Variants in ENOX2 observed in about 807,000 individuals in gnomAD.
ENOX2 encodes APK1 antigen.
A neutral mutation model predicts 45.0 loss-of-function variants in ENOX2; 36 were observed. That is an observed-to-expected ratio of 0.80 (90% CI 0.61 to 1.06). ENOX2 has a LOEUF of 1.06. ENOX2 is among the 50% of genes least tolerant of loss of function. The probability of loss-of-function intolerance (pLI) is 0.00; values close to 1 mark genes in which losing one functional copy is unlikely to be tolerated. For synonymous variants in ENOX2, 174 were observed against 152.3 expected (o/e 1.14, Z -1.05); for missense variants, 423 against 462.5 (o/e 0.91, Z 0.78).
intron 2 of ENOX2, among the ~76,000 whole-genome samples, chrX:130,892,725 A>T (rs2079002960): frequency 1.8e-5 from 2 of 113,104 alleles, no homozygotes; most frequent in Admixed American, 1.9e-4. Flanking sequence ...AGATACACAG[A>T]CTAGAGTTTT....
intron 2 of ENOX2, among the ~76,000 whole-genome samples, chrX:130,865,954 A>G (rs941875955): frequency 3.6e-5 from 4 of 111,094 alleles, no homozygotes; most frequent in African/African-American, 1.3e-4. Context: ...TCACCTTTCT[A>G]TATGTGGCCT....
chrX:130,798,243 T>C (rs1603352576), intron 2 of ENOX2, among the ~76,000 whole-genome samples: 1 of 111,747 alleles, frequency 8.9e-6, no homozygotes, highest in South Asian at 3.8e-4. Context: ...TAGCAAGACG[T>C]CCATCTCTAC....
intron 12 of ENOX2, among the ~76,000 whole-genome samples, chrX:130,632,369 G>T (rs376513542): frequency 2.1e-5 from 1 of 47,252 alleles, no homozygotes; most frequent in African/African-American, 7.9e-5. Context: ...AGGGGCGGGG[G>T]GGGGGGGTGG....
chrX:130,752,609 C>T lies in ENOX2; in HGVS notation c.-39+30938G>A, dbSNP rs952182322. On this transcript the variant is annotated intron_variant, in intron 3 of 14. Transcript: ENST00000394363. ...TCTGTGTCTACCTATCTCTCTGCAA[C>T]AGTTTCTTTTTGCCTCTTTCTGTTT... Among the ~76,000 whole-genome samples the T allele has an allele frequency of 3.6e-5, 4 of 111,046 alleles. No homozygotes were observed. The Admixed American group carries it at 3.8e-4, about 11-fold the overall frequency.
intron 2 of ENOX2, among the ~76,000 whole-genome samples, chrX:130,841,955 G>A (rs2078022940): frequency 8.9e-6 from 1 of 112,193 alleles, no homozygotes; most frequent in Non-Finnish European, 1.9e-5. Context: ...TTTATGCATA[G>A]CCCCTGGAGA....
At chrX:130,743,638 A>ATT (rs368102335) in intron 3 of ENOX2, among the ~76,000 whole-genome samples, 1 of 103,825 alleles carries the variant, frequency 9.6e-6, no homozygotes, top group South Asian at 4.3e-4. Context: ...CACCTGGCTA[A>ATT]TTTTTTTTTT....
Position 130,627,947 on chromosome X carries a change from C to T in ENOX2, c.1614+11G>A, listed in dbSNP as rs201139613. 32 of 1,165,259 alleles carry T rather than the reference C, an allele frequency of 2.7e-5. No homozygotes were observed. The highest frequency in any genetic ancestry group is 1.8e-5 in the South Asian group (1 of 54,823). On this transcript the variant is annotated intron_variant, in intron 14 of 14. Coordinates refer to ENST00000394363, the MANE Select transcript of ENOX2 (RefSeq NM_006375.4). ...CATCCCCTTGCATCCCCATTTTAGG[C>T]CCCCATATACCTTATTATCAAGACG...
At chrX:130,821,742 T>TTAA (rs2077610827) in intron 2 of ENOX2, among the ~76,000 whole-genome samples, 2 of 23,187 alleles carry the variant, frequency 8.6e-5, no homozygotes, top group Non-Finnish European at 1.5e-4. Flanking sequence ...ATAAATAAAT[T>TTAA]AAAAAAAAAA....
chrX:130,631,441 G>A (rs780707379), intron 13 of ENOX2, 27 bp downstream of exon 13: 2 of 834,308 alleles, frequency 2.4e-6, no homozygotes, highest in African/African-American at 2.0e-5. Context: ...GGCATTGTAC[G>A]TGGCATGTGT....
chrX:130,657,184 C>A (rs994809204), intron 9 of ENOX2, among the ~76,000 whole-genome samples: 3 of 111,906 alleles, frequency 2.7e-5, no homozygotes, highest in Non-Finnish European at 5.6e-5. Context: ...TTCTACCAGA[C>A]CAACCTTCCC....
chrX:130,637,973 A>G (rs1270618881), intron 10 of ENOX2, among the ~76,000 whole-genome samples: 2 of 111,841 alleles, frequency 1.8e-5, no homozygotes, highest in African/African-American at 6.5e-5. Flanking sequence ...AGGCACACAA[A>G]TATGGGGGCC....
chrX:130,743,481 T>C (rs1366698736), intron 3 of ENOX2, among the ~76,000 whole-genome samples: 2 of 109,999 alleles, frequency 1.8e-5, no homozygotes, highest in Non-Finnish European at 3.8e-5. Context: ...GGATTTTTTT[T>C]TTTTTTTTGA....
intron 3 of ENOX2, among the ~76,000 whole-genome samples, chrX:130,748,777 C>T (rs1189241373): frequency 8.9e-6 from 1 of 111,812 alleles, no homozygotes; most frequent in African/African-American, 3.2e-5. Context: ...GACTTTTTCT[C>T]CTGCGAATGT....
At chrX:130,747,406 CATAAG>C (rs2039122375) in intron 3 of ENOX2, among the ~76,000 whole-genome samples, 2 of 112,003 alleles carry the variant, frequency 1.8e-5, no homozygotes, top group Admixed American at 1.9e-4. Flanking sequence ...AGTTACTCAG[CATAAG>C]ACCCTTTCAA....
At chrX:130,899,022 G>A (rs1371503325) in intron 2 of ENOX2, among the ~76,000 whole-genome samples, 2 of 111,047 alleles carry the variant, frequency 1.8e-5, no homozygotes, top group Non-Finnish European at 3.8e-5. Flanking sequence ...GTGGGTAGAA[G>A]GAAGGATGTT....
At chrX:130,737,434 C>T (rs1271381698) in intron 3 of ENOX2, among the ~76,000 whole-genome samples, 1 of 111,401 alleles carries the variant, frequency 9.0e-6, no homozygotes, top group Non-Finnish European at 1.9e-5. Context: ...AGAAGAGTTA[C>T]TTATTGCATG....
intron 2 of ENOX2, among the ~76,000 whole-genome samples, chrX:130,796,900 T>C (rs1357429737): frequency 8.9e-6 from 1 of 112,233 alleles, no homozygotes; most frequent in Non-Finnish European, 1.9e-5. Context: ...AGCAATGTAA[T>C]TGTCTCCTGG....
chrX:130,705,409 C>T (rs2038011615), intron 3 of ENOX2, among the ~76,000 whole-genome samples: 2 of 111,829 alleles, frequency 1.8e-5, no homozygotes, highest in Admixed American at 9.5e-5. Flanking sequence ...ATCTCAATTA[C>T]AATTTTGAAG....
chrX:130,878,906 C>T (rs1308940796), intron 2 of ENOX2, among the ~76,000 whole-genome samples: 2 of 112,328 alleles, frequency 1.8e-5, no homozygotes, highest in Non-Finnish European at 3.8e-5. Context: ...ATAACCAAGA[C>T]GAAATGTAAA....
Sources: allele counts gnomAD v4.1 joint callset (sites outside exome capture counted in the v4.1 genomes callset), GRCh38; gene constraint gnomAD v4.1.1; transcripts MANE v1.5; gene names NCBI Gene and HGNC (gene_info 2026-07-23, HGNC 2026-07-21).